Variants in EXOSC7 observed in about 807,000 individuals in gnomAD.
The protein encoded by EXOSC7 is exosome complex component RRP42.
EXOSC7 carries 25 observed loss-of-function variants against 34.3 expected under a neutral mutation model. The observed-to-expected ratio is 0.73, with a 90% CI of 0.53 to 1.02. The LOEUF (loss-of-function observed/expected upper bound fraction) is 1.02. Among genes scored for constraint, EXOSC7 ranks in the 50% least tolerant of loss-of-function variants. The probability of loss-of-function intolerance (pLI) is 0.00; values close to 1 mark genes in which losing one functional copy is unlikely to be tolerated. For synonymous variants in EXOSC7, 130 were observed against 143.0 expected (o/e 0.91, Z 0.65); for missense variants, 370 against 368.5 (o/e 1.00, Z -0.03).
chr3:44,979,207 A>G (rs1043921824), intron 1 of EXOSC7, among the ~76,000 whole-genome samples: 1 of 152,230 alleles, frequency 6.6e-6, no homozygotes, highest in African/African-American at 2.4e-5. Context: ...TGAGCCTACC[A>G]TGGAATCTCA....
chr3:44,994,361 A>T (rs1706658563), intron 3 of EXOSC7, among the ~76,000 whole-genome samples: 1 of 150,096 alleles, frequency 6.7e-6, no homozygotes, highest in South Asian at 2.1e-4. Context: ...TTTTTGTTTC[A>T]TGTAGGGATT....
At chr3:44,984,950 G>A (rs1321680836) in intron 1 of EXOSC7, among the ~76,000 whole-genome samples, 1 of 152,212 alleles carries the variant, frequency 6.6e-6, no homozygotes, top group East Asian at 1.9e-4. Context: ...GAAGGGGCTT[G>A]TCCTAAGTCA....
intron 6 of EXOSC7, 106 bp downstream of exon 6, chr3:45,005,520 A>G: frequency 1.8e-6 from 2 of 1,122,556 alleles, no homozygotes; most frequent in Non-Finnish European, 2.5e-6. Context: ...AATACCACAC[A>G]CCATATAGAA....
At chr3:44,994,799 G>T (rs1706671576) in intron 3 of EXOSC7, among the ~76,000 whole-genome samples, 1 of 151,452 alleles carries the variant, frequency 6.6e-6, no homozygotes. Context: ...AGTTCCTTGG[G>T]CTCATGAGTC....
intron 3 of EXOSC7, among the ~76,000 whole-genome samples, chr3:44,996,622 G>A (rs1348856247): frequency 1.3e-5 from 2 of 152,118 alleles, no homozygotes; most frequent in Non-Finnish European, 2.9e-5. Context: ...TTTTTATATT[G>A]AGAGTATCGT....
chr3:45,011,176 G>T, intron 7 of EXOSC7, 59 bp from the exon 8 acceptor site: 1 of 962,366 alleles, frequency 1.0e-6, no homozygotes, highest in South Asian at 1.7e-5. Flanking sequence ...ATGCTTTTCT[G>T]GTCAGAGTGT....
intron 1 of EXOSC7, among the ~76,000 whole-genome samples, chr3:44,986,004 C>T (rs578183733): frequency 6.6e-6 from 1 of 152,294 alleles, no homozygotes; most frequent in African/African-American, 2.4e-5. Context: ...CTTAGCTAGA[C>T]ATAGAGGTTC....
At chr3:45,005,982 G>T (rs1461688858) in intron 6 of EXOSC7, among the ~76,000 whole-genome samples, 4 of 151,002 alleles carry the variant, frequency 2.6e-5, no homozygotes, top group Non-Finnish European at 4.4e-5. Flanking sequence ...AGCTAAACAG[G>T]TCAGGTTTAA....
At chr3:44,993,666 G>A (rs879417447) in intron 3 of EXOSC7, among the ~76,000 whole-genome samples, 3 of 152,132 alleles carry the variant, frequency 2.0e-5, no homozygotes, top group Non-Finnish European at 2.9e-5. Context: ...CTGGAAGAGG[G>A]ACTGGTCATG....
At chr3:44,991,452 C>G (rs1369128884) in intron 3 of EXOSC7, among the ~76,000 whole-genome samples, 1 of 152,218 alleles carries the variant, frequency 6.6e-6, no homozygotes, top group Non-Finnish European at 1.5e-5. Flanking sequence ...CACTGAGGAG[C>G]AGACAATGTG....
intron 7 of EXOSC7, among the ~76,000 whole-genome samples, chr3:45,010,471 T>C (rs1468838068): frequency 1.3e-5 from 2 of 152,212 alleles, no homozygotes; most frequent in Non-Finnish European, 2.9e-5. Context: ...GGTCTTGATC[T>C]CCTGGCCTCA....
chr3:44,998,521 T>A (rs372327717), intron 4 of EXOSC7, among the ~76,000 whole-genome samples: 31 of 152,354 alleles, frequency 2.0e-4, no homozygotes, highest in African/African-American at 7.0e-4. Context: ...AAATAGATTC[T>A]TTAATGAATG....
intron 7 of EXOSC7, among the ~76,000 whole-genome samples, chr3:45,010,508 A>G (rs909230561): frequency 4.6e-5 from 7 of 152,134 alleles, no homozygotes; most frequent in Non-Finnish European, 1.0e-4. Context: ...CTTGGCCTCC[A>G]AAAGTGCTGG....
intron 4 of EXOSC7, among the ~76,000 whole-genome samples, chr3:45,001,150 GA>G (rs374958709): frequency 1.6e-3 from 229 of 147,606 alleles, no homozygotes; most frequent in Middle Eastern, 7.0e-3. Flanking sequence ...TTTAGGGAAA[GA>G]AAAAAAAAAA....
At chr3:45,002,884 A>G (rs1208696511) in intron 5 of EXOSC7, among the ~76,000 whole-genome samples, 1 of 152,192 alleles carries the variant, frequency 6.6e-6, no homozygotes, top group Non-Finnish European at 1.5e-5. Flanking sequence ...TGCGTGCCAG[A>G]TCCCACAGCA....
Position 45,001,229 on chromosome 3 carries a change from G to T in EXOSC7, c.421-309G>T, listed in dbSNP as rs571874788. Reference sequence around the variant, plus strand: ...GCACTTTGGGAGGCTGAGGTAGGCGGATCACTTTTGGTCAGGAGTTCAAGA... The same window carrying T: ...GCACTTTGGGAGGCTGAGGTAGGCGTATCACTTTTGGTCAGGAGTTCAAGA... On this transcript the variant is annotated intron_variant, in intron 4 of 7. Coordinates refer to ENST00000265564, the MANE Select transcript of EXOSC7 (RefSeq NM_015004.4). Among the ~76,000 whole-genome samples the T allele has an allele frequency of 3.9e-5, 6 of 152,210 alleles. No individual in the cohort carries two copies. In the East Asian group the frequency reaches 1.2e-3, roughly 29 times the overall value.
At chr3:45,000,693 C>T (rs1042522413) in intron 4 of EXOSC7, among the ~76,000 whole-genome samples, 8 of 152,178 alleles carry the variant, frequency 5.3e-5, no homozygotes, top group African/African-American at 9.6e-5. Flanking sequence ...TCATTACATA[C>T]GAGAAGTAAT....
At position 44,993,071 on chromosome 3, in the gene EXOSC7, A is replaced by G. The variant is rs566818651; in HGVS notation, c.254+3427A>G. Among the ~76,000 whole-genome samples, 4 of 152,286 alleles carry G rather than the reference A, an allele frequency of 2.6e-5. No individual in the cohort carries two copies. In the East Asian group the frequency reaches 5.8e-4, roughly 22 times the overall value. On this transcript the variant is annotated intron_variant, in intron 3 of 7. Transcript: ENST00000265564. Reference sequence around the variant, plus strand: ...CCTGCTTAGTGCTGCTAAAGGGGACACTGTTCCTGGCTGAGGGGCTGGGGG... The same window carrying G: ...CCTGCTTAGTGCTGCTAAAGGGGACGCTGTTCCTGGCTGAGGGGCTGGGGG...
chr3:45,005,193 C>G (rs1161463952), intron 5 of EXOSC7, 98 bp from the exon 6 acceptor site: 6 of 1,404,690 alleles, frequency 4.3e-6, no homozygotes, highest in Non-Finnish European at 5.0e-6. Context: ...GTGTCTTTCT[C>G]TTGTGAGACA....
Sources: allele counts gnomAD v4.1 joint callset (sites outside exome capture counted in the v4.1 genomes callset), GRCh38; gene constraint gnomAD v4.1.1; transcripts MANE v1.5; gene names NCBI Gene and HGNC (gene_info 2026-07-23, HGNC 2026-07-21).